CENPP: variants seen among roughly 807,000 people sequenced by gnomAD.
The protein encoded by CENPP is centromere protein P.
In CENPP, 24 loss-of-function variants were observed where a neutral mutation model predicts 35.6. The observed-to-expected ratio is 0.67, with a 90% confidence interval of 0.49 to 0.95. The LOEUF is 0.95. Among genes scored for constraint, CENPP ranks in the 40% least tolerant of loss-of-function variants. CENPP has a pLI of 0.00. For synonymous variants in CENPP, 120 were observed against 125.5 expected (o/e 0.96, Z 0.29); for missense variants, 332 against 345.3 (o/e 0.96, Z 0.31).
chr9:92,466,223 T>C, intron 5 of CENPP: 1 of 638,400 alleles, frequency 1.6e-6, no homozygotes, highest in Non-Finnish European at 2.7e-6. Context: ...TTTTAATTGG[T>C]TTATAAATGG....
At chr9:92,349,405 T>A (rs559235366) in intron 4 of CENPP, among the ~76,000 whole-genome samples, 49 of 151,662 alleles carry the variant, frequency 3.2e-4, no homozygotes, top group Admixed American at 8.5e-4. Context: ...ATACTTTTTT[T>A]TTTATTTTTT....
chr9:92,470,966 T>C (rs1175605), intron 5 of CENPP, among the ~76,000 whole-genome samples: 2,030 of 152,228 alleles, frequency 0.013, 26 homozygotes, highest in Non-Finnish European at 0.022. Context: ...TTTGAGTAAC[T>C]TATTAATTTT....
chr9:92,603,588 G>T (rs1850988267), intron 5 of CENPP, among the ~76,000 whole-genome samples: 1 of 151,944 alleles, frequency 6.6e-6, no homozygotes, highest in South Asian at 2.1e-4. Flanking sequence ...AGCGATCCCT[G>T]TGCACTTCCC....
chr9:92,403,507 G>A (rs1843204475), intron 5 of CENPP: 5 of 1,470,758 alleles, frequency 3.4e-6, no homozygotes, highest in South Asian at 3.1e-5. Context: ...TCAGACCATC[G>A]AAGCAATATT....
chr9:92,611,129 G>A, intron 5 of CENPP, 185 bp from the exon 6 acceptor site: 1 of 623,322 alleles, frequency 1.6e-6, no homozygotes. Flanking sequence ...AGGCTGTGGA[G>A]AGACCTACAG....
intron 5 of CENPP, among the ~76,000 whole-genome samples, chr9:92,583,721 A>AT (rs922419981): frequency 1.3e-5 from 2 of 152,050 alleles, no homozygotes; most frequent in Non-Finnish European, 2.9e-5. Context: ...TGCTTTCAAA[A>AT]TTTTCAAGCA....
chr9:92,456,215 A>G (rs1419325487), intron 5 of CENPP: 1 of 152,222 alleles, frequency 6.6e-6, no homozygotes, highest in Non-Finnish European at 1.5e-5. Context: ...TTTTATTTCA[A>G]ACCAATATTT....
At chr9:92,610,051 GTGTT>G (rs796444708) in intron 5 of CENPP, among the ~76,000 whole-genome samples, 128 of 152,024 alleles carry the variant, frequency 8.4e-4, no homozygotes, top group African/African-American at 1.2e-3. Flanking sequence ...AAAAACACAA[GTGTT>G]TGTTTGTTTG....
rs1171486366 is a variant in CENPP, at chr9:92,616,248, C to T, written c.*3099C>T. On this transcript the variant is annotated 3_prime_UTR_variant, in exon 8 of 8. Coordinates refer to ENST00000375587, the MANE Select transcript of CENPP (RefSeq NM_001012267.3). ...CACACCCCAGCTCACAAAGAGCACT[C>T]GTTCTGTGCACCTGTGATCTGTGCG... 17 of 543,860 alleles carry T rather than the reference C, an allele frequency of 3.1e-5. No homozygotes were observed. The highest frequency in any genetic ancestry group is 4.3e-5 in the Non-Finnish European group (13 of 302,192). The allele number at this position is 543,860 out of a possible 1,614,324, so 33.7% of individuals were successfully genotyped here.
At chr9:92,403,824 T>C (rs889121131) in intron 5 of CENPP, 1 of 326,088 alleles carries the variant, frequency 3.1e-6, no homozygotes, top group African/African-American at 2.2e-5. Context: ...GTTAAAAATA[T>C]CATATTTCCA....
chr9:92,551,317 A>G (rs913556520), intron 5 of CENPP, among the ~76,000 whole-genome samples: 2 of 152,064 alleles, frequency 1.3e-5, no homozygotes, highest in Admixed American at 6.5e-5. Context: ...GTGATATAGC[A>G]TACTTCCCCA....
chr9:92,425,501 G>A (rs1034355245), intron 5 of CENPP, among the ~76,000 whole-genome samples: 1 of 152,164 alleles, frequency 6.6e-6, no homozygotes, highest in African/African-American at 2.4e-5. Flanking sequence ...ACAGAGAGTT[G>A]ACTTGTGTCT....
At chr9:92,443,925 A>G (rs1844486919) in intron 5 of CENPP, among the ~76,000 whole-genome samples, 1 of 152,170 alleles carries the variant, frequency 6.6e-6, no homozygotes, top group Non-Finnish European at 1.5e-5. Flanking sequence ...GGCCTCCCAA[A>G]GTGCTGGGCT....
chr9:92,566,400 A>T (rs1849969560), intron 5 of CENPP, among the ~76,000 whole-genome samples: 2 of 152,132 alleles, frequency 1.3e-5, no homozygotes, highest in Admixed American at 1.3e-4. Context: ...CATGAAGAAG[A>T]CCTAATGGCA....
chr9:92,374,596 T>G (rs962523837), intron 4 of CENPP, among the ~76,000 whole-genome samples: 1 of 152,230 alleles, frequency 6.6e-6, no homozygotes, highest in African/African-American at 2.4e-5. Flanking sequence ...GCAAAAACTC[T>G]GCTTCTTATA....
intron 5 of CENPP, among the ~76,000 whole-genome samples, chr9:92,560,698 AT>A (rs1230593215): frequency 6.6e-6 from 1 of 151,880 alleles, no homozygotes; most frequent in Admixed American, 6.6e-5. Flanking sequence ...TCTCTACTCC[AT>A]TTCTTTAAAA....
At chr9:92,610,373 G>T (rs1453609567) in intron 5 of CENPP, among the ~76,000 whole-genome samples, 1 of 149,076 alleles carries the variant, frequency 6.7e-6, no homozygotes. Flanking sequence ...AAGTTTTTAA[G>T]AACTGAGAGA....
intron 5 of CENPP, among the ~76,000 whole-genome samples, chr9:92,444,044 T>C (rs1017374024): frequency 1.3e-5 from 2 of 152,156 alleles, no homozygotes; most frequent in African/African-American, 4.8e-5. Flanking sequence ...ACTCGACATA[T>C]ATGATTGCTT....
chr9:92,611,526 G>A (rs950743357), intron 6 of CENPP, 133 bp downstream of exon 6: 1 of 689,338 alleles, frequency 1.5e-6, no homozygotes, highest in Non-Finnish European at 2.4e-6. Context: ...GGAGGAATCA[G>A]TGGTCCCAGC....
Sources: allele counts gnomAD v4.1 joint callset (sites outside exome capture counted in the v4.1 genomes callset), GRCh38; gene constraint gnomAD v4.1.1; transcripts MANE v1.5; gene names NCBI Gene and HGNC (gene_info 2026-07-23, HGNC 2026-07-21).